The following MBNL1 variants were observed in gnomAD, a reference collection of about 807,000 sequenced individuals.
The protein encoded by MBNL1 is muscleblind like splicing regulator 1, also known as muscleblind-like protein 1.
A neutral mutation model predicts 42.2 loss-of-function variants in MBNL1; 8 were observed. The observed-to-expected ratio is 0.19, with a 90% confidence interval of 0.11 to 0.34. The LOEUF (loss-of-function observed/expected upper bound fraction) is 0.34, where lower values mean the gene tolerates loss of function less well. Ranked by LOEUF, MBNL1 falls within the 10% of genes least tolerant of loss-of-function variation. The pLI, the probability that MBNL1 is intolerant of heterozygous loss-of-function variation, is 1.00. For missense variants in MBNL1, 309 were observed against 495.3 expected, an observed-to-expected ratio of 0.62 and a Z score of 3.57; for synonymous variants, 169 against 173.9, an observed-to-expected ratio of 0.97 and a Z score of 0.22.
At chr3:152,396,571 G>A (rs955985504) in intron 2 of MBNL1, among the ~76,000 whole-genome samples, 2 of 152,126 alleles carry the variant, frequency 1.3e-5, no homozygotes, top group African/African-American at 4.8e-5. Flanking sequence ...CTTTGAAAGT[G>A]CTCCACTCCT....
At chr3:152,412,581 G>A (rs1211868893) in intron 2 of MBNL1, among the ~76,000 whole-genome samples, 1 of 152,170 alleles carries the variant, frequency 6.6e-6, no homozygotes, top group Non-Finnish European at 1.5e-5. Context: ...CTGAGTAGAT[G>A]TCATATATTC....
chr3:152,309,485 C>G (rs1343692583), intron 2 of MBNL1, among the ~76,000 whole-genome samples: 1 of 152,104 alleles, frequency 6.6e-6, no homozygotes, highest in Non-Finnish European at 1.5e-5. Flanking sequence ...AAAATCAGAC[C>G]TAGTGCGTAG....
chr3:152,441,195 T>C (rs1290600496), intron 4 of MBNL1, among the ~76,000 whole-genome samples: 4 of 152,186 alleles, frequency 2.6e-5, no homozygotes, highest in Non-Finnish European at 2.9e-5. Flanking sequence ...AATTCAAATA[T>C]TGACATTAAT....
At chr3:152,391,132 T>C (rs1182600676) in intron 2 of MBNL1, among the ~76,000 whole-genome samples, 3 of 152,226 alleles carry the variant, frequency 2.0e-5, no homozygotes, top group Non-Finnish European at 2.9e-5. Flanking sequence ...TTAAGTGCTA[T>C]GTACAAGGCC....
chr3:152,247,443 A>G (rs998707689), intron 2 of MBNL1, among the ~76,000 whole-genome samples: 3 of 152,000 alleles, frequency 2.0e-5, no homozygotes, highest in African/African-American at 7.2e-5. Flanking sequence ...CATTTTCATG[A>G]TACATGAAAA....
intron 1 of MBNL1, among the ~76,000 whole-genome samples, chr3:152,294,486 G>A (rs542390362): frequency 2.0e-5 from 3 of 151,880 alleles, no homozygotes; most frequent in South Asian, 4.2e-4. Context: ...GGGTTTCACC[G>A]TGTTAGCCAG....
At chr3:152,339,065 A>T (rs1053677724) in intron 2 of MBNL1, among the ~76,000 whole-genome samples, 1 of 152,138 alleles carries the variant, frequency 6.6e-6, no homozygotes, top group African/African-American at 2.4e-5. Flanking sequence ...AATATTTAAA[A>T]CCAAAAACAT....
At chr3:152,395,359 A>G (rs914048571) in intron 2 of MBNL1, among the ~76,000 whole-genome samples, 1 of 152,200 alleles carries the variant, frequency 6.6e-6, no homozygotes, top group African/African-American at 2.4e-5. Flanking sequence ...TTTAAATAAA[A>G]TGCAGGCCAA....
At chr3:152,287,453 C>T (rs1264649469) in intron 1 of MBNL1, among the ~76,000 whole-genome samples, 1 of 152,036 alleles carries the variant, frequency 6.6e-6, no homozygotes, top group Non-Finnish European at 1.5e-5. Flanking sequence ...AGGGTAGAAA[C>T]ACAGTAAGCA....
At chr3:152,388,795 G>A (rs2097552317) in intron 2 of MBNL1, among the ~76,000 whole-genome samples, 3 of 152,204 alleles carry the variant, frequency 2.0e-5, no homozygotes, top group African/African-American at 7.2e-5. Flanking sequence ...CTGGTAGCCT[G>A]CATGTGCATT....
In MBNL1 at chr3:152,432,764, C is replaced by T. The variant is rs148220180; in HGVS notation, c.393C>T (p.Ala131=). The change falls in exon 4 of 10, where the codon GCC becomes GCT. Residue 131 remains alanine, a synonymous_variant. Transcript: ENST00000324210. ...GCTTAGCCACCAATGCATCAGCAGC[C>T]GCCTTTAATCCCTATCTGGGACCTG... The part of the protein sequence containing the change: ...APSLATNASA[A]AFNPYLGPVS... 2.5e-5 allele frequency: 40 copies of T among 1,614,180 alleles called. No homozygotes were observed. Among genetic ancestry groups the T allele is most frequent in the South Asian group, 2.4e-4 (22 of 91,080 alleles).
chr3:152,367,673 C>T (rs898967282), intron 2 of MBNL1, among the ~76,000 whole-genome samples: 4 of 152,326 alleles, frequency 2.6e-5, no homozygotes, highest in African/African-American at 4.8e-5. Context: ...TGTTTCTCCA[C>T]ATCCTCTCCA....
intron 2 of MBNL1, among the ~76,000 whole-genome samples, chr3:152,337,659 A>G (rs951766558): frequency 1.1e-4 from 16 of 151,098 alleles, no homozygotes; most frequent in Non-Finnish European, 2.4e-4. Context: ...AACACCAACT[A>G]ACTAAATTAG....
At chr3:152,261,249 C>A (rs2036216955) in intron 2 of MBNL1, among the ~76,000 whole-genome samples, 2 of 152,110 alleles carry the variant, frequency 1.3e-5, no homozygotes. Context: ...GGTTAAGAAC[C>A]ACCGCCCTAG....
chr3:152,422,332 C>T (rs1178736859), intron 3 of MBNL1, among the ~76,000 whole-genome samples: 1 of 146,764 alleles, frequency 6.8e-6, no homozygotes, highest in East Asian at 2.0e-4. Flanking sequence ...TTTAAACCAA[C>T]CATGATCAAA....
rs1458746613 is a variant in MBNL1, at chr3:152,255,356, T to C, written n.333+10916T>C. On this transcript the variant is annotated intron_variant and non_coding_transcript_variant, in intron 2 of 2. Coordinates refer to the MBNL1 transcript ENST00000477171. ...TTCTAATATTACATTAATTTAATAT[T>C]GAGCCTTAACTTAAAATATTGAGCC... is the stretch of plus-strand genomic sequence containing the variant. Among the ~76,000 whole-genome samples the C allele has an allele frequency of 2.6e-5, 4 of 152,260 alleles. No individual in the cohort carries two copies. In the East Asian group the frequency reaches 5.8e-4, roughly 22 times the overall value.
chr3:152,451,961 A>G (rs757699546), intron 6 of MBNL1, among the ~76,000 whole-genome samples: 1 of 152,256 alleles, frequency 6.6e-6, no homozygotes, highest in Non-Finnish European at 1.5e-5. Context: ...CTTGAACTCA[A>G]GTCAGGCTGA....
chr3:152,376,096 G>T (rs1445371429), intron 2 of MBNL1, among the ~76,000 whole-genome samples: 1 of 152,082 alleles, frequency 6.6e-6, no homozygotes, highest in African/African-American at 2.4e-5. Context: ...TGTCAGGCCG[G>T]TATCATACCC....
intron 6 of MBNL1, among the ~76,000 whole-genome samples, chr3:152,454,635 G>A (rs1220839609): frequency 6.6e-6 from 1 of 152,094 alleles, no homozygotes; most frequent in Non-Finnish European, 1.5e-5. Flanking sequence ...TTGAACAATT[G>A]TCAGCATCAG....
Sources: gnomAD v4.1 joint callset for allele counts (sites outside exome capture counted in the v4.1 genomes callset) on GRCh38, gnomAD v4.1.1 for gene constraint, MANE v1.5 for transcripts, NCBI Gene and HGNC (gene_info 2026-07-23, HGNC 2026-07-21) for gene names.